Variants in PTPRD observed in about 807,000 individuals in gnomAD.
PTPRD encodes protein tyrosine phosphatase receptor type D, also known as receptor-type tyrosine-protein phosphatase delta.
PTPRD carries 34 observed loss-of-function variants against 214.5 expected under a neutral mutation model. The observed-to-expected ratio is 0.16, with a 90% CI of 0.12 to 0.21. The LOEUF (loss-of-function observed/expected upper bound fraction) is 0.21. Ranked by LOEUF, PTPRD falls within the 10% of genes least tolerant of loss-of-function variation. The pLI is 1.00. For missense variants in PTPRD, 2,545 were observed against 2,398.7 expected (o/e 1.06, Z -1.27); for synonymous variants, 1,128 against 845.7 (o/e 1.33, Z -5.79).
intron 8 of PTPRD, among the ~76,000 whole-genome samples, chr9:9,398,933 C>T (rs1172611194): frequency 6.6e-6 from 1 of 151,990 alleles, no homozygotes; most frequent in Non-Finnish European, 1.5e-5. Context: ...TCCTAGCCAA[C>T]TATGCTAGAT....
chr9:9,751,188 T>C (rs2098515343), intron 6 of PTPRD, among the ~76,000 whole-genome samples: 1 of 152,072 alleles, frequency 6.6e-6, no homozygotes, highest in African/African-American at 2.4e-5. Flanking sequence ...AAAAAAATAT[T>C]TTTACAAGAG....
chr9:9,414,747 C>T (rs1459959410), intron 8 of PTPRD: 1 of 152,202 alleles, frequency 6.6e-6, no homozygotes, highest in East Asian at 1.9e-4. Flanking sequence ...TCAACAAATA[C>T]TTACCAGGTA....
intron 8 of PTPRD, among the ~76,000 whole-genome samples, chr9:9,525,842 CAT>C (rs780407208): frequency 1.6e-4 from 24 of 151,160 alleles, no homozygotes; most frequent in Non-Finnish European, 2.5e-4. Flanking sequence ...AACAGGGACA[CAT>C]GTGTCAAACA....
chr9:10,093,870 A>T (rs397146), intron 3 of PTPRD, among the ~76,000 whole-genome samples: 20 of 151,304 alleles, frequency 1.3e-4, no homozygotes, highest in Admixed American at 9.9e-4. Flanking sequence ...TCACTTGTAA[A>T]TGGGAGCTAA....
intron 3 of PTPRD, among the ~76,000 whole-genome samples, chr9:10,148,365 C>G (rs1282920024): frequency 1.3e-5 from 2 of 152,052 alleles, no homozygotes; most frequent in South Asian, 2.1e-4. Context: ...TGGCATGATG[C>G]TAAGTGTTGG....
At chr9:10,484,760 G>C (rs2099121842) in intron 2 of PTPRD, among the ~76,000 whole-genome samples, 1 of 151,830 alleles carries the variant, frequency 6.6e-6, no homozygotes, top group Non-Finnish European at 1.5e-5. Context: ...TATGTATTCT[G>C]GTCATTACTC....
At chr9:8,868,721 T>C (rs2098242741) in intron 11 of PTPRD, among the ~76,000 whole-genome samples, 2 of 152,232 alleles carry the variant, frequency 1.3e-5, no homozygotes, top group African/African-American at 4.8e-5. Context: ...ATTCCATTTT[T>C]AAGTAGTAAC....
At chr9:9,930,403 G>C (rs1236465025) in intron 5 of PTPRD, among the ~76,000 whole-genome samples, 4 of 152,178 alleles carry the variant, frequency 2.6e-5, no homozygotes, top group Admixed American at 2.6e-4. Context: ...GAAAGAGACT[G>C]TTAACAATAT....
At chr9:8,528,042 T>C (rs140198566) in intron 15 of PTPRD, 38 of 173,620 alleles carry the variant, frequency 2.2e-4, no homozygotes, top group African/African-American at 8.5e-4. Flanking sequence ...TGTGTTTTTA[T>C]GTATTAGTGA....
At chr9:8,682,570 C>T (rs1444478207) in intron 12 of PTPRD, among the ~76,000 whole-genome samples, 4 of 152,012 alleles carry the variant, frequency 2.6e-5, no homozygotes, top group Non-Finnish European at 5.9e-5. Context: ...TAATTAACAC[C>T]CTTTTTTCCC....
At chr9:9,516,908 TCAAA>T (rs2096852043) in intron 8 of PTPRD, among the ~76,000 whole-genome samples, 1 of 152,182 alleles carries the variant, frequency 6.6e-6, no homozygotes, top group East Asian at 1.9e-4. Flanking sequence ...ATTTATGGAC[TCAAA>T]CAAAATCAAG....
intron 10 of PTPRD, among the ~76,000 whole-genome samples, chr9:9,140,337 G>A (rs1334953760): frequency 6.6e-6 from 1 of 152,028 alleles, no homozygotes; most frequent in Admixed American, 6.6e-5. Context: ...TGGTATATGT[G>A]TACATACCCA....
chr9:10,180,481 T>C (rs1332986890), intron 3 of PTPRD, among the ~76,000 whole-genome samples: 1 of 151,858 alleles, frequency 6.6e-6, no homozygotes, highest in Non-Finnish European at 1.5e-5. Context: ...ATCATTTCAC[T>C]GATGAACACT....
chr9:8,659,747 GAATA>G (rs2096992753), intron 12 of PTPRD, among the ~76,000 whole-genome samples: 2 of 152,260 alleles, frequency 1.3e-5, no homozygotes, highest in South Asian at 4.2e-4. Context: ...ATCTGTTTGA[GAATA>G]AAGAAGGATT....
intron 7 of PTPRD, among the ~76,000 whole-genome samples, chr9:9,613,304 C>A (rs149745422): frequency 6.6e-6 from 1 of 151,596 alleles, no homozygotes; most frequent in Non-Finnish European, 1.5e-5. Context: ...ATCTAAAAAA[C>A]GTCATTCAAT....
chr9:8,929,755 A>ATACATATGTGTATATATATG (rs1285445116), intron 11 of PTPRD, among the ~76,000 whole-genome samples: 1 of 58,080 alleles, frequency 1.7e-5, no homozygotes, highest in Non-Finnish European at 3.5e-5. Context: ...GTATATATAT[A>ATACATATGTGTATATATATG]TGTATATATA....
chr9:9,273,034 T>C (rs528551622), intron 9 of PTPRD, among the ~76,000 whole-genome samples: 63 of 151,330 alleles, frequency 4.2e-4, no homozygotes, highest in Middle Eastern at 3.4e-3. Flanking sequence ...CACATGAAAA[T>C]CAATGTGGAG....
intron 12 of PTPRD, among the ~76,000 whole-genome samples, chr9:8,702,994 C>G (rs555697155): frequency 1.3e-5 from 2 of 152,214 alleles, no homozygotes; most frequent in South Asian, 4.1e-4. Context: ...ACTGGATTGA[C>G]TGGAGAAGTT....
intron 11 of PTPRD, among the ~76,000 whole-genome samples, chr9:8,848,753 T>A (rs565648531): frequency 6.6e-6 from 1 of 152,042 alleles, no homozygotes; most frequent in East Asian, 1.9e-4. Flanking sequence ...AAAGTTGGGA[T>A]GCTTGACTTA....
Sources: gnomAD v4.1 joint callset for allele counts (sites outside exome capture counted in the v4.1 genomes callset) on GRCh38, gnomAD v4.1.1 for gene constraint, MANE v1.5 for transcripts, NCBI Gene and HGNC (gene_info 2026-07-23, HGNC 2026-07-21) for gene names.